PDXDC1: variants seen among roughly 807,000 people sequenced by gnomAD.
PDXDC1 encodes the protein pyridoxal-dependent decarboxylase domain-containing protein 1.
PDXDC1 carries 42 observed loss-of-function variants against 100.1 expected under a neutral mutation model. That is an observed-to-expected ratio of 0.42 (90% CI 0.33 to 0.54). The LOEUF (loss-of-function observed/expected upper bound fraction) is 0.54. Among genes scored for constraint, PDXDC1 ranks in the 20% least tolerant of loss-of-function variants. The probability of loss-of-function intolerance (pLI) is 0.10; values close to 1 mark genes in which losing one functional copy is unlikely to be tolerated. For missense variants in PDXDC1, 636 were observed against 979.2 expected, an observed-to-expected ratio of 0.65 and a Z score of 4.68; for synonymous variants, 260 against 371.7, an observed-to-expected ratio of 0.70 and a Z score of 3.46.
chr16:15,029,706 A>G (rs1160073010), intron 15 of PDXDC1: 2 of 577,390 alleles, frequency 3.5e-6, no homozygotes, highest in South Asian at 2.3e-5. Flanking sequence ...ATTGTGGGTC[A>G]TTGTTATTTT....
chr16:15,082,658 C>T lies in PDXDC1; in HGVS notation c.1399+52602C>T, dbSNP rs1379539101. Among the ~76,000 whole-genome samples the T allele has an allele frequency of 7.3e-5, 11 of 151,118 alleles. No homozygotes were observed. In the East Asian group the frequency reaches 1.4e-3, roughly 19 times the overall value. On this transcript the variant is annotated intron_variant, in intron 16 of 16. Coordinates refer to the PDXDC1 transcript ENST00000535621. ...ACTGCACTCCAGCCTGGGTGACAGACGGAGACTGTCCCCCCACCCCTGAAA... is the reference window on the plus strand; with the variant it reads ...ACTGCACTCCAGCCTGGGTGACAGATGGAGACTGTCCCCCCACCCCTGAAA...
intron 16 of PDXDC1, chr16:15,128,252 C>T (rs547304462): frequency 1.2e-5 from 20 of 1,611,260 alleles, no homozygotes; most frequent in African/African-American, 1.2e-4. Context: ...ATCTTCCACA[C>T]GCTACCCAGG....
intron 8 of PDXDC1, among the ~76,000 whole-genome samples, chr16:15,012,986 T>C (rs1454194049): frequency 1.8e-4 from 27 of 152,272 alleles, no homozygotes; most frequent in Non-Finnish European, 3.1e-4. Flanking sequence ...CTGGCTAACA[T>C]GGTGAAACCC....
At chr16:15,133,437 G>A (rs1044836497) in intron 16 of PDXDC1, 6 of 990,738 alleles carry the variant, frequency 6.1e-6, no homozygotes, top group East Asian at 5.2e-5. Context: ...CGAGCAGAGG[G>A]GGGTGGTGAG....
intron 16 of PDXDC1, among the ~76,000 whole-genome samples, chr16:15,076,995 T>C (rs2045486267): frequency 6.6e-6 from 1 of 151,556 alleles, no homozygotes; most frequent in Non-Finnish European, 1.5e-5. Context: ...TTTTTTTTTT[T>C]TGAGGCAGAG....
chr16:15,004,855 T>G (rs1310913718), intron 5 of PDXDC1, among the ~76,000 whole-genome samples: 3 of 152,266 alleles, frequency 2.0e-5, no homozygotes, highest in Non-Finnish European at 4.4e-5. Flanking sequence ...CCTAATACGA[T>G]GTAAATGCTG....
chr16:15,063,606 G>A (rs1258686200), intron 16 of PDXDC1, among the ~76,000 whole-genome samples: 1 of 150,450 alleles, frequency 6.6e-6, no homozygotes, highest in Non-Finnish European at 1.5e-5. Flanking sequence ...TACTCGGGAG[G>A]CTGAGGCAGA....
intron 16 of PDXDC1, chr16:15,074,711 A>G (rs755479947): frequency 6.2e-7 from 1 of 1,606,856 alleles, no homozygotes; most frequent in Non-Finnish European, 8.5e-7. Flanking sequence ...AACAGTAGCT[A>G]CTGTGATTTA....
intron 16 of PDXDC1, chr16:15,133,648 C>T (rs1256960237): frequency 1.3e-5 from 18 of 1,415,138 alleles, no homozygotes; most frequent in Non-Finnish European, 1.8e-5. Context: ...GGCGACAGCG[C>T]TGCAGCAGCA....
intron 1 of PDXDC1, among the ~76,000 whole-genome samples, chr16:14,977,143 TTAATA>T (rs1306363471): frequency 1.3e-5 from 2 of 152,288 alleles, no homozygotes; most frequent in Non-Finnish European, 2.9e-5. Flanking sequence ...TCCAGTGTGT[TTAATA>T]TTGGAGCATT....
At chr16:15,010,840 T>G (rs1335060524) in intron 8 of PDXDC1, among the ~76,000 whole-genome samples, 5 of 152,286 alleles carry the variant, frequency 3.3e-5, no homozygotes, top group South Asian at 2.1e-4. Context: ...TCATTTATAA[T>G]AGGATCAAAA....
At chr16:15,007,623 CA>C (rs1328107776) in intron 6 of PDXDC1, among the ~76,000 whole-genome samples, 18 of 152,266 alleles carry the variant, frequency 1.2e-4, no homozygotes, top group African/African-American at 3.6e-4. Flanking sequence ...GTAGGAGTCC[CA>C]GGGGGATGTA....
chr16:14,984,450 A>AGTGTGT (rs1567611081), intron 1 of PDXDC1, among the ~76,000 whole-genome samples: 2 of 105,460 alleles, frequency 1.9e-5, no homozygotes, highest in Admixed American at 1.2e-4. Flanking sequence ...AGAGAGAGAG[A>AGTGTGT]GAGAGTGTGT....
intron 1 of PDXDC1, among the ~76,000 whole-genome samples, chr16:14,991,079 C>T (rs557919332): frequency 2.6e-5 from 4 of 152,256 alleles, no homozygotes; most frequent in African/African-American, 7.2e-5. Context: ...TTTACGTTTA[C>T]GTAAACTGCA....
chr16:15,094,235 G>C (rs1038199599), intron 16 of PDXDC1: 37 of 1,582,416 alleles, frequency 2.3e-5, no homozygotes, highest in Non-Finnish European at 3.1e-5. Context: ...TGCCGCCATT[G>C]GGCCGAACTA....
At chr16:15,069,464 ACTAAT>A (rs1295913241) in intron 16 of PDXDC1, among the ~76,000 whole-genome samples, 8 of 152,218 alleles carry the variant, frequency 5.3e-5, no homozygotes, top group South Asian at 2.1e-4. Context: ...ACTAAAATAC[ACTAAT>A]CTAATAAGTT....
chr16:15,134,108 C>T (rs2061890660), intron 16 of PDXDC1: 8 of 1,492,612 alleles, frequency 5.4e-6, no homozygotes, highest in Non-Finnish European at 6.4e-6. Flanking sequence ...GGGGCGCAAC[C>T]CTCTGCCCTG....
rs761488448 is a variant in PDXDC1 at position 15,069,394 on chromosome 16, T to TA, written c.1399+39341dup. Among the ~76,000 whole-genome samples, 38 of 152,294 alleles carry TA rather than the reference T, an allele frequency of 2.5e-4. 1 individual carries two copies. The highest frequency in any genetic ancestry group is 6.2e-4 in the South Asian group (3 of 4,824). ...CCCACAAAACCATAAGAATTATTCA[T>TA]AAACATAAACAGAACAATTTACAAT... is the stretch of plus-strand genomic sequence containing the variant. On this transcript the variant is annotated intron_variant, in intron 16 of 16. Transcript: ENST00000535621.
intron 16 of PDXDC1, among the ~76,000 whole-genome samples, chr16:15,049,880 C>A (rs1258366041): frequency 1.3e-5 from 2 of 152,048 alleles, no homozygotes; most frequent in Non-Finnish European, 2.9e-5. Flanking sequence ...AAGCAAGATA[C>A]AAAAGTATAA....
Sources: allele counts gnomAD v4.1 joint callset (sites outside exome capture counted in the v4.1 genomes callset), GRCh38; gene constraint gnomAD v4.1.1; transcripts MANE v1.5; gene names NCBI Gene and HGNC (gene_info 2026-07-23, HGNC 2026-07-21).